The following RIC8B variants were observed in gnomAD, a reference collection of about 807,000 sequenced individuals.
The protein encoded by RIC8B is chaperone Ric-8B.
A neutral mutation model predicts 57.5 loss-of-function variants in RIC8B; 16 were observed. That is an observed-to-expected ratio of 0.28 (90% CI 0.19 to 0.42). RIC8B has a LOEUF of 0.42. RIC8B is among the 10% of genes least tolerant of loss of function. The pLI is 1.00. For missense variants in RIC8B, 481 were observed against 677.0 expected, an observed-to-expected ratio of 0.71 and a Z score of 3.21; for synonymous variants, 216 against 250.8, an observed-to-expected ratio of 0.86 and a Z score of 1.31.
At chr12:106,840,773 T>C (rs1227159970) in intron 4 of RIC8B, among the ~76,000 whole-genome samples, 3 of 152,196 alleles carry the variant, frequency 2.0e-5, no homozygotes, top group African/African-American at 7.2e-5. Flanking sequence ...TTTAAACGAA[T>C]TTAAAGGGGA....
At chr12:106,836,733 T>A (rs1234729609) in intron 4 of RIC8B, among the ~76,000 whole-genome samples, 1 of 152,226 alleles carries the variant, frequency 6.6e-6, no homozygotes, top group East Asian at 1.9e-4. Flanking sequence ...AGTGACCTTT[T>A]TAACCTAAGT....
chr12:106,837,634 C>CTTTTT (rs1298629651), intron 4 of RIC8B, among the ~76,000 whole-genome samples: 9 of 122,158 alleles, frequency 7.4e-5, no homozygotes, highest in African/African-American at 1.3e-4. Context: ...ATCTGAAAAT[C>CTTTTT]TTTTGTTTTT....
intron 8 of RIC8B, among the ~76,000 whole-genome samples, chr12:106,866,947 G>C (rs1364317424): frequency 2.6e-5 from 4 of 152,160 alleles, no homozygotes; most frequent in Non-Finnish European, 4.4e-5. Context: ...CCTTTGGTTT[G>C]ACAGATTATC....
chr12:106,880,435 C>T (rs1317508124), intron 9 of RIC8B, among the ~76,000 whole-genome samples: 2 of 152,082 alleles, frequency 1.3e-5, no homozygotes, highest in African/African-American at 4.8e-5. Context: ...TCTTGTCCAA[C>T]CACTCACTTT....
At chr12:106,833,180 A>T (rs1231395215) in intron 4 of RIC8B, among the ~76,000 whole-genome samples, 1 of 152,200 alleles carries the variant, frequency 6.6e-6, no homozygotes, top group African/African-American at 2.4e-5. Flanking sequence ...ATTTATTTAC[A>T]TATACCTTAT....
At chr12:106,842,976 C>T (rs909158548) in intron 5 of RIC8B, among the ~76,000 whole-genome samples, 159 bp downstream of exon 5, 2 of 152,068 alleles carry the variant, frequency 1.3e-5, no homozygotes, top group Non-Finnish European at 2.9e-5. Flanking sequence ...CAGTTTATTA[C>T]AATATATGAT....
chr12:106,829,541 A>G lies in RIC8B; in HGVS notation c.836+3721A>G, dbSNP rs537170121. ...TCTCACATATTGAAGGGGACAATAT[A>G]GTACATAATACAGTACCTAATAACA... On this transcript the variant is annotated intron_variant, in intron 4 of 9. Transcript: ENST00000392837. Among the ~76,000 whole-genome samples, 9 of 152,372 alleles carry G rather than the reference A, an allele frequency of 5.9e-5. No individual in the cohort carries two copies. The South Asian group carries it at 1.9e-3, about 32-fold the overall frequency.
At chr12:106,841,825 A>C (rs1256830171) in intron 4 of RIC8B, among the ~76,000 whole-genome samples, 1 of 152,172 alleles carries the variant, frequency 6.6e-6, no homozygotes, top group Non-Finnish European at 1.5e-5. Context: ...TGAAATTGTT[A>C]GTGTCATTTT....
At chr12:106,811,684 A>T (rs912415817) in intron 2 of RIC8B, among the ~76,000 whole-genome samples, 8 of 152,104 alleles carry the variant, frequency 5.3e-5, no homozygotes, top group African/African-American at 1.9e-4. Context: ...TGAAGAAGAA[A>T]CTGTGTGTGT....
chr12:106,808,547 C>T (rs2045172286), intron 2 of RIC8B, among the ~76,000 whole-genome samples: 1 of 152,108 alleles, frequency 6.6e-6, no homozygotes, highest in Admixed American at 6.5e-5. Flanking sequence ...CAATACTTTT[C>T]TAAAATATAA....
Position 106,867,980 on chromosome 12 carries a change from CAGAT to C in RIC8B, c.1452-2840_1452-2837del, listed in dbSNP as rs906831589. ...AATTTCTGCCTTCTGCTTTTATACT[CAGAT>C]AGCAAGAATTGTGTTACTTTAGTAG... is the stretch of plus-strand genomic sequence containing the variant. On this transcript the variant is annotated intron_variant, in intron 8 of 9. Coordinates refer to ENST00000392837, the MANE Select transcript of RIC8B (RefSeq NM_001330145.2). This position sits in a 1 kb window ranked among gnomAD's most constrained non-coding sequence, Gnocchi z 4.3. 2.0e-4 allele frequency among the ~76,000 whole-genome samples: 31 copies of C among 152,190 alleles called. No individual in the cohort carries two copies. Among genetic ancestry groups the C allele is most frequent in the Non-Finnish European group, 5.9e-5 (4 of 68,034 alleles).
intron 8 of RIC8B, 82 bp downstream of exon 8, chr12:106,860,494 T>C: frequency 9.0e-7 from 1 of 1,106,806 alleles, no homozygotes; most frequent in South Asian, 2.5e-5. Flanking sequence ...TTTCCAAGTG[T>C]TTCTTTTCTC....
At chr12:106,812,495 A>G (rs886731315) in intron 2 of RIC8B, among the ~76,000 whole-genome samples, 3 of 151,266 alleles carry the variant, frequency 2.0e-5, no homozygotes, top group African/African-American at 7.3e-5. Flanking sequence ...TTTAGAATGG[A>G]AGAAAGATAT....
At chr12:106,844,976 A>G (rs985557899) in intron 6 of RIC8B, among the ~76,000 whole-genome samples, 5 of 152,118 alleles carry the variant, frequency 3.3e-5, no homozygotes, top group Non-Finnish European at 5.9e-5. Flanking sequence ...AGTACCCTCA[A>G]TCCAACATTC....
At chr12:106,848,331 C>A (rs1176697841) in intron 6 of RIC8B, among the ~76,000 whole-genome samples, 1 of 152,096 alleles carries the variant, frequency 6.6e-6, no homozygotes, top group Admixed American at 6.5e-5. Context: ...AGCAGGAAGC[C>A]AGATTATGTG....
At chr12:106,871,217 A>G (rs973999598) in intron 9 of RIC8B, 1 of 246,878 alleles carries the variant, frequency 4.1e-6, no homozygotes, top group African/African-American at 2.2e-5. Context: ...CCCTGTCTTC[A>G]AAAAGATGCT....
At chr12:106,806,496 A>G (rs964753679) in intron 2 of RIC8B, among the ~76,000 whole-genome samples, 2 of 151,780 alleles carry the variant, frequency 1.3e-5, no homozygotes, top group Non-Finnish European at 2.9e-5. Flanking sequence ...CCTTTTCTCT[A>G]TATATTTTTC....
At chr12:106,856,947 G>C (rs1419726082) in intron 7 of RIC8B, among the ~76,000 whole-genome samples, 4 of 152,160 alleles carry the variant, frequency 2.6e-5, no homozygotes, top group Non-Finnish European at 5.9e-5. Flanking sequence ...GTGTGGAGGA[G>C]ATCAGAGAAA....
rs1566135755 is a variant in RIC8B, at chr12:106,851,460, C to A, written c.1172C>A (p.Pro391Gln). ...CATTTGTGCCATCAGGTTTTACCAC[C>A]GTTGAGGGATGTGACAAATCGACCT... ...RKFLKDQVLP[P>Q]LRDVTNRPEV... Residue 391 changes from proline to glutamine, a missense_variant, in exon 7 of 10, where the codon CCG becomes CAG. By Grantham distance (76) the Pro-to-Gln change is moderately conservative. This residue lies in a region of RIC8B where 421 missense variants were observed against 560.9 expected (regional missense o/e 0.75). Coordinates refer to ENST00000392837, the MANE Select transcript of RIC8B (RefSeq NM_001330145.2). 1 of 1,613,492 alleles carries A rather than the reference C, an allele frequency of 6.2e-7. No homozygotes were observed. The highest frequency in any genetic ancestry group is 1.7e-5 in the Admixed American group (1 of 59,990).
Sources: gnomAD v4.1 joint callset for allele counts (sites outside exome capture counted in the v4.1 genomes callset) on GRCh38, gnomAD v4.1.1 for gene constraint, gnomAD v4.1.1 regional missense constraint, Gnocchi (gnomAD v3.1) non-coding constraint, MANE v1.5 for transcripts, NCBI Gene and HGNC (gene_info 2026-07-23, HGNC 2026-07-21) for gene names.